CAMKMT: variants seen among roughly 807,000 people sequenced by gnomAD.
CAMKMT encodes CaM KMT.
A neutral mutation model predicts 48.0 loss-of-function variants in CAMKMT; 53 were observed. The ratio of observed to expected loss-of-function variants is 1.10; its 90% CI spans 0.89 to 1.39. The LOEUF (loss-of-function observed/expected upper bound fraction) is 1.39. CAMKMT is among the 40% of genes most tolerant of loss of function. CAMKMT has a pLI of 0.00. For missense variants in CAMKMT, 428 were observed against 402.7 expected (o/e 1.06, Z -0.54); for synonymous variants, 165 against 152.3 (o/e 1.08, Z -0.61).
chr2:44,577,259 G>A (rs928424378), intron 3 of CAMKMT, among the ~76,000 whole-genome samples: 2 of 152,138 alleles, frequency 1.3e-5, no homozygotes, highest in Admixed American at 6.5e-5. Flanking sequence ...TGTCAAACTG[G>A]CATATTAATT....
intron 3 of CAMKMT, among the ~76,000 whole-genome samples, chr2:44,445,864 A>G (rs1260134272): frequency 2.0e-5 from 3 of 151,764 alleles, no homozygotes; most frequent in Non-Finnish European, 4.4e-5. Flanking sequence ...TCATGCAACC[A>G]AAGTCTTGAA....
intron 3 of CAMKMT, among the ~76,000 whole-genome samples, chr2:44,580,216 T>C (rs1008238667): frequency 7.1e-6 from 1 of 141,558 alleles, no homozygotes; most frequent in Non-Finnish European, 1.6e-5. Context: ...ATGCTAATGA[T>C]TGAGAATGAA....
intron 3 of CAMKMT, among the ~76,000 whole-genome samples, chr2:44,475,603 C>T (rs1317554480): frequency 2.0e-5 from 3 of 152,260 alleles, no homozygotes; most frequent in East Asian, 3.9e-4. Flanking sequence ...GCATGAGCCA[C>T]CGCGCCTGGC....
chr2:44,492,806 T>G (rs1027986858), intron 3 of CAMKMT, among the ~76,000 whole-genome samples: 7 of 152,186 alleles, frequency 4.6e-5, no homozygotes, highest in African/African-American at 1.7e-4. Context: ...GTTCCTACTT[T>G]AAGGATTTAC....
chr2:44,443,441 T>C (rs543468794), intron 3 of CAMKMT, among the ~76,000 whole-genome samples: 1 of 152,318 alleles, frequency 6.6e-6, no homozygotes, highest in Non-Finnish European at 1.5e-5. Context: ...TCCTGTCATC[T>C]TTGGGGTATG....
At chr2:44,434,388 A>G (rs1006790382) in intron 3 of CAMKMT, among the ~76,000 whole-genome samples, 13 of 152,226 alleles carry the variant, frequency 8.5e-5, no homozygotes, top group Non-Finnish European at 1.5e-4. Context: ...GCTCTTCTGT[A>G]GGAATTTGTT....
At chr2:44,414,780 G>A (rs887301484) in intron 3 of CAMKMT, among the ~76,000 whole-genome samples, 4 of 152,204 alleles carry the variant, frequency 2.6e-5, no homozygotes, top group African/African-American at 9.7e-5. Context: ...TAGTTCTCTA[G>A]CTGGCTATCT....
At chr2:44,604,588 T>G (rs922716627) in intron 3 of CAMKMT, among the ~76,000 whole-genome samples, 1 of 149,532 alleles carries the variant, frequency 6.7e-6, no homozygotes, top group African/African-American at 2.5e-5. Context: ...ATTTTTAAAG[T>G]AAAATATCAA....
intron 3 of CAMKMT, among the ~76,000 whole-genome samples, chr2:44,679,210 C>A (rs926100753): frequency 6.6e-6 from 1 of 152,096 alleles, no homozygotes; most frequent in Admixed American, 6.5e-5. Context: ...AATATTGTGA[C>A]CATTTATTTG....
chr2:44,717,784 A>T (rs1678247763), intron 7 of CAMKMT, among the ~76,000 whole-genome samples: 1 of 151,760 alleles, frequency 6.6e-6, no homozygotes, highest in Non-Finnish European at 1.5e-5. Context: ...TGCAAAGAAG[A>T]TGTATAAGCT....
At chr2:44,402,858 C>T (rs577406105) in intron 3 of CAMKMT, among the ~76,000 whole-genome samples, 7 of 148,038 alleles carry the variant, frequency 4.7e-5, no homozygotes, top group African/African-American at 1.7e-4. Flanking sequence ...TAGCTTTTTC[C>T]CCCATAGCAT....
intron 3 of CAMKMT, among the ~76,000 whole-genome samples, chr2:44,663,635 T>C (rs2104093079): frequency 6.6e-6 from 1 of 152,358 alleles, no homozygotes; most frequent in South Asian, 2.1e-4. Context: ...CCTTTTGCCC[T>C]GAGGCTCCCA....
chr2:44,512,330 T>G (rs569705142), intron 3 of CAMKMT, among the ~76,000 whole-genome samples: 4 of 152,368 alleles, frequency 2.6e-5, no homozygotes, highest in Middle Eastern at 3.4e-3. Flanking sequence ...ATCATAGGTT[T>G]GCTGTAGGGA....
intron 3 of CAMKMT, among the ~76,000 whole-genome samples, chr2:44,402,694 G>A (rs1254426333): frequency 1.6e-4 from 23 of 141,968 alleles, no homozygotes. Flanking sequence ...TGAATGTTGT[G>A]CATCCTGGAC....
chr2:44,456,658 C>A, intron 3 of CAMKMT: 3 of 1,530,734 alleles, frequency 2.0e-6, no homozygotes, highest in Non-Finnish European at 2.6e-6. Context: ...GGAGATGGGA[C>A]TTATAAGAAA....
intron 7 of CAMKMT, among the ~76,000 whole-genome samples, chr2:44,719,168 C>T (rs997733146): frequency 2.0e-5 from 3 of 152,128 alleles, no homozygotes; most frequent in Non-Finnish European, 4.4e-5. Flanking sequence ...TATGATCTCT[C>T]CATCTCTAGT....
intron 3 of CAMKMT, among the ~76,000 whole-genome samples, chr2:44,557,620 C>G (rs1313818358): frequency 1.3e-5 from 2 of 152,034 alleles, no homozygotes; most frequent in East Asian, 3.9e-4. Context: ...AAAATAGAAA[C>G]AGTAACAACA....
intron 3 of CAMKMT, among the ~76,000 whole-genome samples, chr2:44,411,750 A>G (rs940443479): frequency 1.3e-5 from 2 of 152,058 alleles, no homozygotes; most frequent in African/African-American, 4.8e-5. Context: ...TCCATTCATC[A>G]AACTATTTTT....
At chr2:44,479,101 A>C (rs952940670) in intron 3 of CAMKMT, among the ~76,000 whole-genome samples, 2 of 152,240 alleles carry the variant, frequency 1.3e-5, no homozygotes, top group Non-Finnish European at 2.9e-5. Flanking sequence ...ATCTTTAAAA[A>C]TGTATAACCT....
Sources: allele counts gnomAD v4.1 joint callset (sites outside exome capture counted in the v4.1 genomes callset), GRCh38; gene constraint gnomAD v4.1.1; transcripts MANE v1.5; gene names NCBI Gene and HGNC (gene_info 2026-07-23, HGNC 2026-07-21).